The following VPS13B variants were observed in gnomAD, a reference collection of about 807,000 sequenced individuals.
VPS13B encodes intermembrane lipid transfer protein VPS13B.
VPS13B carries 285 observed loss-of-function variants against 426.4 expected under a neutral mutation model. The observed-to-expected ratio is 0.67, with a 90% CI of 0.61 to 0.74. The LOEUF (loss-of-function observed/expected upper bound fraction) is 0.74, where lower values mean the gene tolerates loss of function less well. Among genes scored for constraint, VPS13B ranks in the 30% least tolerant of loss-of-function variants. The probability of loss-of-function intolerance (pLI) is 0.00; values close to 1 mark genes in which losing one functional copy is unlikely to be tolerated. For synonymous variants in VPS13B, 1,676 were observed against 1,676.4 expected (o/e 1.00, Z 0.01); for missense variants, 4,537 against 4,782.6 (o/e 0.95, Z 1.51).
At chr8:99,781,393 T>G (rs780109119) in intron 42 of VPS13B, among the ~76,000 whole-genome samples, 1 of 152,212 alleles carries the variant, frequency 6.6e-6, no homozygotes, top group Non-Finnish European at 1.5e-5. Context: ...TGCAAATGCT[T>G]GTATGACACT....
intron 44 of VPS13B, among the ~76,000 whole-genome samples, chr8:99,812,490 G>A (rs928081565): frequency 2.6e-5 from 4 of 152,168 alleles, no homozygotes; most frequent in Non-Finnish European, 4.4e-5. Context: ...GATCCCTGAT[G>A]CACCTTAACA....
At chr8:99,449,108 T>C (rs1818066242) in intron 23 of VPS13B, among the ~76,000 whole-genome samples, 1 of 152,106 alleles carries the variant, frequency 6.6e-6, no homozygotes, top group Admixed American at 6.5e-5. Flanking sequence ...GAAGAAATGA[T>C]TGTCAGAACC....
intron 20 of VPS13B, among the ~76,000 whole-genome samples, chr8:99,386,818 A>T (rs1814151571): frequency 6.6e-6 from 1 of 152,136 alleles, no homozygotes; most frequent in Non-Finnish European, 1.5e-5. Flanking sequence ...AGAAAATAAA[A>T]ATTAGCTCTG....
intron 52 of VPS13B, 83 bp from the exon 53 acceptor site, chr8:99,835,114 A>C: frequency 6.3e-7 from 1 of 1,585,628 alleles, no homozygotes; most frequent in East Asian, 2.2e-5. Context: ...GAATGTTGCA[A>C]ATCTAAATAA....
chr8:99,686,891 AC>A (rs1167020210), intron 35 of VPS13B, among the ~76,000 whole-genome samples: 3 of 151,138 alleles, frequency 2.0e-5, no homozygotes, highest in East Asian at 2.0e-4. Context: ...AAGACAAACT[AC>A]CCTTCACTTT....
At chr8:99,122,871 G>T (rs550078236) in intron 8 of VPS13B, among the ~76,000 whole-genome samples, 100 of 152,204 alleles carry the variant, frequency 6.6e-4, no homozygotes, top group Non-Finnish European at 1.2e-3. Context: ...CCAGCATTTT[G>T]GGAGGCCGAG....
intron 39 of VPS13B, among the ~76,000 whole-genome samples, chr8:99,740,504 T>G (rs190982322): frequency 1.3e-5 from 2 of 152,126 alleles, no homozygotes; most frequent in African/African-American, 4.8e-5. Context: ...GAAGAGCAAC[T>G]CCAAGACACA....
At chr8:99,026,633 AGT>A (rs1842150856) in intron 2 of VPS13B, among the ~76,000 whole-genome samples, 1 of 152,014 alleles carries the variant, frequency 6.6e-6, no homozygotes, top group South Asian at 2.1e-4. Context: ...TCTAGTAGTG[AGT>A]GTGTATATAT....
At chr8:99,320,472 A>G (rs568323792) in intron 19 of VPS13B, among the ~76,000 whole-genome samples, 14 of 152,230 alleles carry the variant, frequency 9.2e-5, no homozygotes, top group Non-Finnish European at 1.9e-4. Context: ...TTGTTTTCTT[A>G]GTAAATATTT....
At chr8:99,303,750 A>T (rs992213366) in intron 19 of VPS13B, among the ~76,000 whole-genome samples, 12 of 150,982 alleles carry the variant, frequency 7.9e-5, no homozygotes, top group Admixed American at 7.9e-4. Context: ...AAAAAAAAAA[A>T]AGAATATATG....
At chr8:99,520,831 T>G (rs1414776149) in intron 29 of VPS13B, 68 bp from the exon 30 acceptor site, 3 of 1,269,782 alleles carry the variant, frequency 2.4e-6, no homozygotes, top group Non-Finnish European at 3.5e-6. Context: ...CCCTCAAAGA[T>G]TTCTCCTTAT....
chr8:99,328,287 A>T (rs1326159965), intron 19 of VPS13B, among the ~76,000 whole-genome samples: 1 of 152,174 alleles, frequency 6.6e-6, no homozygotes, highest in African/African-American at 2.4e-5. Context: ...CTTCCACAAA[A>T]CCTGTCCCTG....
intron 8 of VPS13B, 182 bp downstream of exon 8, chr8:99,121,627 C>T: frequency 7.1e-7 from 1 of 1,405,800 alleles, no homozygotes; most frequent in South Asian, 1.7e-5. Flanking sequence ...ATTCTGATCC[C>T]TTCCTGTCTT....
intron 39 of VPS13B, among the ~76,000 whole-genome samples, chr8:99,725,119 C>G (rs895367646): frequency 6.6e-6 from 1 of 152,196 alleles, no homozygotes; most frequent in African/African-American, 2.4e-5. Context: ...CATGATAAAG[C>G]CCTCCTCTGA....
intron 33 of VPS13B, among the ~76,000 whole-genome samples, chr8:99,578,079 A>T (rs922869827): frequency 1.3e-5 from 2 of 152,182 alleles, no homozygotes; most frequent in African/African-American, 4.8e-5. Context: ...AATGGACACA[A>T]TCATAAAAGT....
intron 21 of VPS13B, among the ~76,000 whole-genome samples, chr8:99,414,599 T>C (rs1815886157): frequency 1.3e-5 from 2 of 152,212 alleles, no homozygotes; most frequent in Admixed American, 6.5e-5. Context: ...CAGAAGCTCT[T>C]GTAAGTCAGG....
At chr8:99,673,804 A>ATGTTT (rs776447933) in intron 35 of VPS13B, among the ~76,000 whole-genome samples, 20,672 of 151,876 alleles carry the variant, frequency 0.14, 1,959 homozygotes, top group East Asian at 0.39. Context: ...ATATGGAAAC[A>ATGTTT]CCATTTCATT....
chr8:99,373,813 T>C (rs1483430262), intron 19 of VPS13B, among the ~76,000 whole-genome samples: 1 of 152,146 alleles, frequency 6.6e-6, no homozygotes, highest in East Asian at 1.9e-4. Flanking sequence ...CTACACTCCA[T>C]CCTGGGCAAC....
chr8:99,458,605 G>A (rs1200258744), intron 23 of VPS13B, among the ~76,000 whole-genome samples: 6 of 152,032 alleles, frequency 3.9e-5, no homozygotes, highest in African/African-American at 7.3e-5. Context: ...TTTAATGATT[G>A]CCATTCTAAC....
Sources: allele counts gnomAD v4.1 joint callset (sites outside exome capture counted in the v4.1 genomes callset), GRCh38; gene constraint gnomAD v4.1.1; transcripts MANE v1.5; gene names NCBI Gene and HGNC (gene_info 2026-07-23, HGNC 2026-07-21).